The following CRTAC1 variants were observed in gnomAD, a reference collection of about 807,000 sequenced individuals.
The protein encoded by CRTAC1 is cartilage acidic protein 1.
CRTAC1 carries 37 observed loss-of-function variants against 67.8 expected under a neutral mutation model. The ratio of observed to expected loss-of-function variants is 0.55; its 90% CI spans 0.42 to 0.72. The LOEUF is 0.72. CRTAC1 is among the 30% of genes least tolerant of loss of function. CRTAC1 has a pLI of 0.00. For missense variants in CRTAC1, 780 were observed against 931.6 expected (o/e 0.84, Z 2.12); for synonymous variants, 348 against 371.0 (o/e 0.94, Z 0.71).
intron 1 of CRTAC1, among the ~76,000 whole-genome samples, chr10:98,021,562 A>G (rs891021663): frequency 6.6e-6 from 1 of 152,206 alleles, no homozygotes; most frequent in Non-Finnish European, 1.5e-5. Flanking sequence ...AATGGGAAAT[A>G]ATGTTTATCG....
At chr10:97,944,948 C>T (rs1366902335) in intron 2 of CRTAC1, among the ~76,000 whole-genome samples, 2 of 152,218 alleles carry the variant, frequency 1.3e-5, no homozygotes, top group Non-Finnish European at 2.9e-5. Flanking sequence ...AAGTGAGTGA[C>T]ACCAGCTGAT....
At chr10:97,869,280 A>C (rs1486502852) in intron 14 of CRTAC1, 1 of 152,468 alleles carries the variant, frequency 6.6e-6, no homozygotes, top group Non-Finnish European at 1.5e-5. Flanking sequence ...AGCCCGGTGA[A>C]GGGTAGTGGG....
chr10:97,879,768 G>A (rs1268996340), intron 14 of CRTAC1: 2 of 1,546,910 alleles, frequency 1.3e-6, no homozygotes, highest in Non-Finnish European at 8.7e-7. Flanking sequence ...TCTAGAGGCG[G>A]CTGAAGAATA....
intron 2 of CRTAC1, among the ~76,000 whole-genome samples, chr10:97,970,404 T>G (rs2051688607): frequency 6.6e-6 from 1 of 152,238 alleles, no homozygotes; most frequent in Non-Finnish European, 1.5e-5. Context: ...CTAACGGCTT[T>G]CTTCTCACTC....
intron 2 of CRTAC1, among the ~76,000 whole-genome samples, chr10:97,977,393 C>A (rs913426488): frequency 6.6e-6 from 1 of 152,134 alleles, no homozygotes; most frequent in African/African-American, 2.4e-5. Flanking sequence ...TGCATCTCAG[C>A]GGGTTCTTTT....
At chr10:97,985,053 C>T (rs1194985796) in intron 2 of CRTAC1, among the ~76,000 whole-genome samples, 1 of 152,236 alleles carries the variant, frequency 6.6e-6, no homozygotes, top group Admixed American at 6.5e-5. Context: ...GGCTCCACCC[C>T]TTGGCCAGAA....
At chr10:97,957,622 G>C (rs1044946830) in intron 2 of CRTAC1, among the ~76,000 whole-genome samples, 2 of 152,124 alleles carry the variant, frequency 1.3e-5, no homozygotes, top group African/African-American at 2.4e-5. Context: ...TAGAGCTCAC[G>C]TTCTTAACAC....
At chr10:97,939,502 T>C (rs990127925) in intron 2 of CRTAC1, among the ~76,000 whole-genome samples, 5 of 151,934 alleles carry the variant, frequency 3.3e-5, no homozygotes, top group Non-Finnish European at 5.9e-5. Flanking sequence ...GACCAACAGC[T>C]CCTAGGTTGG....
intron 1 of CRTAC1, among the ~76,000 whole-genome samples, chr10:98,015,373 G>A (rs1368688233): frequency 6.6e-6 from 1 of 152,208 alleles, no homozygotes; most frequent in Non-Finnish European, 1.5e-5. Flanking sequence ...TTAGTGTTTA[G>A]TGGATTATGG....
chr10:97,995,461 T>C (rs1056126321), intron 2 of CRTAC1, among the ~76,000 whole-genome samples: 1 of 152,226 alleles, frequency 6.6e-6, no homozygotes, highest in Non-Finnish European at 1.5e-5. Context: ...TACCCTCCAA[T>C]GTCTTCTTGG....
At chr10:97,993,475 T>C (rs564218083) in intron 2 of CRTAC1, among the ~76,000 whole-genome samples, 3 of 152,222 alleles carry the variant, frequency 2.0e-5, no homozygotes, top group Non-Finnish European at 4.4e-5. Flanking sequence ...TTTCCATATA[T>C]GCCTTATCTC....
chr10:97,899,403 C>T (rs1034522663), intron 8 of CRTAC1, among the ~76,000 whole-genome samples: 14 of 152,180 alleles, frequency 9.2e-5, no homozygotes, highest in African/African-American at 2.9e-4. Context: ...CTGCAGGGGA[C>T]GCTGGGAGAT....
intron 9 of CRTAC1, among the ~76,000 whole-genome samples, chr10:97,896,404 C>G (rs1424013063): frequency 6.6e-6 from 1 of 152,096 alleles, no homozygotes; most frequent in African/African-American, 2.4e-5. Context: ...TATAATTATC[C>G]CCATTTTATG....
chr10:97,970,875 A>G (rs1385557280), intron 2 of CRTAC1, among the ~76,000 whole-genome samples: 1 of 152,252 alleles, frequency 6.6e-6, no homozygotes, highest in Non-Finnish European at 1.5e-5. Context: ...ATCTATAACA[A>G]GTGCCTATAG....
chr10:98,029,407 A>C lies in CRTAC1; in HGVS notation c.24+1042T>G, dbSNP rs939748784. Among the ~76,000 whole-genome samples, 5 of 152,010 alleles carry C rather than the reference A, an allele frequency of 3.3e-5. No homozygotes were observed. Among genetic ancestry groups the C allele is most frequent in the Non-Finnish European group, 7.4e-5 (5 of 67,992 alleles). On this transcript the variant is annotated intron_variant, in intron 1 of 14. Coordinates refer to ENST00000370597, the MANE Select transcript of CRTAC1 (RefSeq NM_018058.7). The surrounding 1 kb of genome is among the most constrained non-coding windows in gnomAD (Gnocchi z 4.7). ...CATCCCAGAAGACACCTCAAGTGCA[A>C]CTCAAGAATGTGTCCTGTCAGGAGA...
At chr10:97,926,727 C>CT (rs898015769) in intron 3 of CRTAC1, among the ~76,000 whole-genome samples, 5 of 152,180 alleles carry the variant, frequency 3.3e-5, no homozygotes, top group Non-Finnish European at 7.3e-5. Context: ...GAATTTCCCA[C>CT]AAAACTTAAA....
intron 2 of CRTAC1, among the ~76,000 whole-genome samples, chr10:97,947,195 C>T (rs768732439): frequency 6.6e-6 from 1 of 152,096 alleles, no homozygotes; most frequent in Non-Finnish European, 1.5e-5. Context: ...TTCATTCCAC[C>T]CTTCTGGGAT....
At chr10:97,911,201 C>T (rs750237343) in intron 5 of CRTAC1, among the ~76,000 whole-genome samples, 32 of 152,228 alleles carry the variant, frequency 2.1e-4, no homozygotes, top group Non-Finnish European at 3.8e-4. Flanking sequence ...GCACTTGCCT[C>T]CACGCAGCTC....
chr10:97,950,044 C>T (rs891398349), intron 2 of CRTAC1, among the ~76,000 whole-genome samples: 3 of 152,080 alleles, frequency 2.0e-5, no homozygotes, highest in African/African-American at 7.2e-5. Context: ...ACTGTGAGCT[C>T]CATGGAGTTC....
Sources: allele counts gnomAD v4.1 joint callset (sites outside exome capture counted in the v4.1 genomes callset), GRCh38; gene constraint gnomAD v4.1.1; non-coding constraint Gnocchi (gnomAD v3.1); transcripts MANE v1.5; gene names NCBI Gene and HGNC (gene_info 2026-07-23, HGNC 2026-07-21).